SLC25A48: variants seen among roughly 807,000 people sequenced by gnomAD.
SLC25A48 encodes the protein solute carrier family 25 member 48, also known as CTC-321K16.1.
SLC25A48 carries 29 observed loss-of-function variants against 32.2 expected under a neutral mutation model. That is an observed-to-expected ratio of 0.90 (90% CI 0.67 to 1.23). SLC25A48 has a LOEUF of 1.23. Ranked by LOEUF, SLC25A48 falls within the 50% of genes most tolerant of loss-of-function variation. The probability of loss-of-function intolerance (pLI) is 0.00; values close to 1 mark genes in which losing one functional copy is unlikely to be tolerated. For synonymous variants in SLC25A48, 164 were observed against 172.3 expected (o/e 0.95, Z 0.38); for missense variants, 399 against 422.7 (o/e 0.94, Z 0.49).
chr5:135,642,925 G>T (rs1194407568), intron 3 of SLC25A48, among the ~76,000 whole-genome samples: 1 of 152,192 alleles, frequency 6.6e-6, no homozygotes, highest in African/African-American at 2.4e-5. Context: ...ATCACTTATG[G>T]CTTCTGCAAA....
At chr5:135,674,140 T>C (rs906250289) in intron 3 of SLC25A48, among the ~76,000 whole-genome samples, 2 of 152,034 alleles carry the variant, frequency 1.3e-5, no homozygotes, top group Non-Finnish European at 2.9e-5. Context: ...TTTAAAAACA[T>C]TTTAATTGAT....
At chr5:135,707,631 T>C (rs954407655) in intron 3 of SLC25A48, among the ~76,000 whole-genome samples, 3 of 152,186 alleles carry the variant, frequency 2.0e-5, no homozygotes, top group African/African-American at 7.2e-5. Flanking sequence ...ACAGACTCCC[T>C]TTGCTCAGGT....
intron 3 of SLC25A48, among the ~76,000 whole-genome samples, chr5:135,789,338 C>T (rs1057204528): frequency 4.6e-5 from 7 of 150,668 alleles, no homozygotes; most frequent in African/African-American, 1.2e-4. Flanking sequence ...CCCCATGTGG[C>T]GGGGGGTGTA....
intron 1 of SLC25A48, among the ~76,000 whole-genome samples, chr5:135,606,424 C>G (rs1456151279): frequency 1.3e-5 from 2 of 152,178 alleles, no homozygotes; most frequent in African/African-American, 4.8e-5. Context: ...TCTAAGTGGA[C>G]AAATAACTCC....
chr5:135,821,467 G>A (rs1757884776), intron 4 of SLC25A48, among the ~76,000 whole-genome samples: 1 of 152,180 alleles, frequency 6.6e-6, no homozygotes, highest in African/African-American at 2.4e-5. Context: ...CCCTGGACTT[G>A]GGGGAACAGA....
At chr5:135,657,020 T>G (rs1387355285) in intron 3 of SLC25A48, among the ~76,000 whole-genome samples, 1 of 152,308 alleles carries the variant, frequency 6.6e-6, no homozygotes, top group East Asian at 1.9e-4. Flanking sequence ...GTGAGCAGTT[T>G]GCCTGCCCCT....
At chr5:135,725,045 T>C (rs1755056552) in intron 3 of SLC25A48, among the ~76,000 whole-genome samples, 1 of 152,248 alleles carries the variant, frequency 6.6e-6, no homozygotes, top group South Asian at 2.1e-4. Context: ...TTTTGAGTCT[T>C]CCACAAGTAG....
chr5:135,788,463 T>G (rs1756914163), intron 3 of SLC25A48, among the ~76,000 whole-genome samples: 1 of 125,630 alleles, frequency 8.0e-6, no homozygotes, highest in South Asian at 2.8e-4. Flanking sequence ...TCCATTATAT[T>G]CGTGGGGGGA....
chr5:135,810,477 C>T (rs1757567460), intron 3 of SLC25A48, among the ~76,000 whole-genome samples: 1 of 152,198 alleles, frequency 6.6e-6, no homozygotes, highest in Non-Finnish European at 1.5e-5. Flanking sequence ...GTTGAGGCTG[C>T]AGCTGCCTGA....
intron 3 of SLC25A48, among the ~76,000 whole-genome samples, chr5:135,750,170 C>T (rs923007335): frequency 2.6e-5 from 4 of 152,230 alleles, no homozygotes; most frequent in African/African-American, 7.2e-5. Context: ...CTGGAAAGGG[C>T]GTTGACCCCT....
chr5:135,580,602 A>T (rs1561743614), intron 1 of SLC25A48, among the ~76,000 whole-genome samples: 4 of 152,210 alleles, frequency 2.6e-5, no homozygotes, highest in African/African-American at 9.6e-5. Context: ...CAAAGCCAAT[A>T]GCTGGACATT....
At chr5:135,792,117 C>T (rs1226918329) in intron 3 of SLC25A48, among the ~76,000 whole-genome samples, 1 of 151,584 alleles carries the variant, frequency 6.6e-6, no homozygotes, top group Admixed American at 6.6e-5. Flanking sequence ...TGTACACACC[C>T]TGTAATATTA....
intron 2 of SLC25A48, among the ~76,000 whole-genome samples, chr5:135,843,323 G>T (rs1472447977): frequency 6.6e-6 from 1 of 152,106 alleles, no homozygotes; most frequent in Non-Finnish European, 1.5e-5. Context: ...ATAGGAGGGG[G>T]GTAAGGTGCA....
intron 1 of SLC25A48, among the ~76,000 whole-genome samples, chr5:135,837,418 A>G (rs1274813836): frequency 6.6e-6 from 1 of 152,142 alleles, no homozygotes; most frequent in Non-Finnish European, 1.5e-5. Context: ...ACTAACACAG[A>G]TATTTCCTTC....
exon 4 of SLC25A48, chr5:135,812,855 CTGTCTG>C (rs1561504964): frequency 6.6e-6 from 1 of 152,290 alleles, no homozygotes; most frequent in African/African-American, 2.4e-5. Context: ...CTGTCCTTTG[CTGTCTG>C]TGTCTGTGTC....
At chr5:135,767,959 G>GTA (rs1358847346) in intron 3 of SLC25A48, among the ~76,000 whole-genome samples, 2 of 147,088 alleles carry the variant, frequency 1.4e-5, no homozygotes, top group East Asian at 2.1e-4. Flanking sequence ...TAATATCCGG[G>GTA]GGGGGGAGAG....
At chr5:135,736,768 G>A (rs376736813) in intron 3 of SLC25A48, among the ~76,000 whole-genome samples, 7 of 152,238 alleles carry the variant, frequency 4.6e-5, no homozygotes, top group African/African-American at 1.4e-4. Context: ...GTCTGTGACC[G>A]GTGCCGGAGT....
chr5:135,672,407 T>A (rs1194841662), intron 3 of SLC25A48, among the ~76,000 whole-genome samples: 1 of 152,212 alleles, frequency 6.6e-6, no homozygotes, highest in African/African-American at 2.4e-5. Flanking sequence ...TTTCCTTTTA[T>A]TTATTTCTTA....
chr5:135,705,679 A>G (rs2126969816), intron 3 of SLC25A48, among the ~76,000 whole-genome samples: 1 of 152,328 alleles, frequency 6.6e-6, no homozygotes, highest in East Asian at 1.9e-4. Flanking sequence ...ATGGTTTGTT[A>G]TATCTGGGCT....
Sources: gnomAD v4.1 joint callset for allele counts (sites outside exome capture counted in the v4.1 genomes callset) on GRCh38, gnomAD v4.1.1 for gene constraint, MANE v1.5 for transcripts, NCBI Gene and HGNC (gene_info 2026-07-23, HGNC 2026-07-21) for gene names.